The following SERBP1 variants were observed in gnomAD, a reference collection of about 807,000 sequenced individuals.
SERBP1 encodes SERPINE1 mRNA-binding protein 1.
A neutral mutation model predicts 50.2 loss-of-function variants in SERBP1; 6 were observed. That is an observed-to-expected ratio of 0.12 (90% confidence interval 0.07 to 0.24). The LOEUF (loss-of-function observed/expected upper bound fraction) is 0.24. SERBP1 is among the 10% of genes least tolerant of loss of function. The pLI is 1.00. For synonymous variants in SERBP1, 168 were observed against 182.8 expected (o/e 0.92, Z 0.65); for missense variants, 346 against 524.9 (o/e 0.66, Z 3.33).
intron 1 of SERBP1, among the ~76,000 whole-genome samples, chr1:67,427,613 T>C (rs1667430347): frequency 6.6e-6 from 1 of 152,182 alleles, no homozygotes; most frequent in Non-Finnish European, 1.5e-5. Context: ...CCAAGGTATT[T>C]AAATAAATGT....
intron 6 of SERBP1, among the ~76,000 whole-genome samples, chr1:67,415,641 A>G (rs1179914866): frequency 6.6e-6 from 1 of 152,176 alleles, no homozygotes; most frequent in Non-Finnish European, 1.5e-5. Context: ...ACTGAATCAT[A>G]ATCTTTAGCA....
rs373269396 is a variant in SERBP1, at chr1:67,424,186, G to A, written c.773+14C>T. On this transcript the variant is annotated intron_variant, in intron 5 of 7. Transcript: ENST00000361219. ...CAATTCTGGGTCATTACTATTACAC[G>A]CAATACCACTTACTTATTTTCAGTG... is the stretch of plus-strand genomic sequence containing the variant. 73 of 1,602,786 alleles carry A rather than the reference G, an allele frequency of 4.6e-5. No individual in the cohort carries two copies. Among genetic ancestry groups the A allele is most frequent in the Middle Eastern group, 2.1e-4 (1 of 4,780 alleles).
chr1:67,427,061 A>T (rs1667410399), intron 1 of SERBP1, among the ~76,000 whole-genome samples: 1 of 152,208 alleles, frequency 6.6e-6, no homozygotes, highest in South Asian at 2.1e-4. Context: ...AAGTACTTCC[A>T]AGTTAGGAAA....
rs760047521 is a variant in SERBP1 at position 67,415,252 on chromosome 1, G to A, written c.1039C>T (p.Leu347Phe). Reference sequence around the variant, plus strand: ...CTGCCGCCACGTCCTGGGCGGCCAAGGTCTCCAAAATTGATCTCCAGCTGA... The same window carrying A: ...CTGCCGCCACGTCCTGGGCGGCCAAAGTCTCCAAAATTGATCTCCAGCTGA... The part of the protein sequence containing the change: ...TSQLEINFGD[L>F]GRPGRGGRGG... Residue 347 changes from leucine to phenylalanine, a missense_variant, in exon 7 of 8, where the codon CTT becomes TTT. This residue lies in a region of SERBP1 where 68 missense variants were observed against 97.3 expected (regional missense o/e 0.70). Coordinates refer to ENST00000361219, the MANE Select transcript of SERBP1 (RefSeq NM_001018069.2). The A allele has an allele frequency of 6.2e-7, 1 of 1,613,108 alleles. No homozygotes were observed. Among genetic ancestry groups the A allele is most frequent in the South Asian group, 1.1e-5 (1 of 90,834 alleles).
At chr1:67,418,450 T>A (rs1016271183) in intron 6 of SERBP1, among the ~76,000 whole-genome samples, 3 of 152,244 alleles carry the variant, frequency 2.0e-5, no homozygotes, top group African/African-American at 4.8e-5. Flanking sequence ...TATAGCCATT[T>A]TGCAGTTTAA....
rs1423550200 is a variant in SERBP1 at position 67,424,130 on chromosome 1, G to T, written c.773+70C>A. ...ATCAAGTAACAGCATTAAATCTATGGGTTATCTTATTGGTAAAACTCCAGT... is the reference window on the plus strand; with the variant it reads ...ATCAAGTAACAGCATTAAATCTATGTGTTATCTTATTGGTAAAACTCCAGT... On this transcript the variant is annotated intron_variant, in intron 5 of 7. Transcript: ENST00000361219. The T allele has an allele frequency of 1.0e-5, 15 of 1,488,236 alleles. No homozygotes were observed. The South Asian group carries it at 2.1e-4, about 21-fold the overall frequency. 92.2% of individuals were successfully genotyped at this position (1,488,236 alleles called of 1,614,324 possible). A position where few individuals can be genotyped will look rare whatever the true frequency, so the allele number is the denominator to read the frequency against.
At position 67,417,971 on chromosome 1, in the gene SERBP1, G is replaced by GTTTTTTT. The variant is rs397861816; in HGVS notation, c.951+2031_951+2037dup. ...GAAGACATGTGAAAGTTAAAGTGTT[G>GTTTTTTT]TTTTTTTTTTTTTTTTTTTTTTTTG... On this transcript the variant is annotated intron_variant, in intron 6 of 7. Transcript: ENST00000361219. Among the ~76,000 whole-genome samples, 120 of 76,816 alleles carry GTTTTTTT rather than the reference G, an allele frequency of 1.6e-3. 6 individuals carry two copies. Among genetic ancestry groups the GTTTTTTT allele is most frequent in the African/African-American group, 1.9e-3 (35 of 18,198 alleles). The allele number at this position is 76,816 out of a possible 152,430, so 50.4% of individuals were successfully genotyped here.
At chr1:67,429,054 C>G (rs1048893735) in intron 1 of SERBP1, among the ~76,000 whole-genome samples, 2 of 152,040 alleles carry the variant, frequency 1.3e-5, no homozygotes, top group African/African-American at 4.8e-5. Context: ...ACTCACAGTG[C>G]CCTAGAAACA....
rs1006130709 is a variant in SERBP1, at chr1:67,422,128, T to C, written c.774-1942A>G. ...ATGTATTTTTATCTACTCCCTCCAA[T>C]AGTATATCATTTTTCCTTATCCCAA... On this transcript the variant is annotated intron_variant, in intron 5 of 7. Coordinates refer to ENST00000361219, the MANE Select transcript of SERBP1 (RefSeq NM_001018069.2). 7.2e-5 allele frequency among the ~76,000 whole-genome samples: 11 copies of C among 152,282 alleles called. No individual in the cohort carries two copies. In the South Asian group the frequency reaches 8.3e-4, roughly 11 times the overall value.
intron 1 of SERBP1, among the ~76,000 whole-genome samples, chr1:67,427,965 A>G (rs892053091): frequency 3.3e-5 from 5 of 152,212 alleles, no homozygotes; most frequent in Non-Finnish European, 7.3e-5. Flanking sequence ...AATTCATAAA[A>G]CATAAACATT....
At chr1:67,424,416 T>A in intron 4 of SERBP1, 139 bp from the exon 5 acceptor site, 1 of 1,117,414 alleles carries the variant, frequency 8.9e-7, no homozygotes, top group South Asian at 1.7e-5. Flanking sequence ...TCACATTCTC[T>A]AACTCCTTTC....
rs1666824369 is a variant in SERBP1 at position 67,411,133 on chromosome 1, C to G, written c.*2074G>C. ...AGGTTCACAGTTTTAGCTCTTGACA[C>G]AAAGTGAACTAGGAGGCAAATTTAT... On this transcript the variant is annotated 3_prime_UTR_variant, in exon 8 of 8. Coordinates refer to ENST00000361219, the MANE Select transcript of SERBP1 (RefSeq NM_001018069.2). 2 of 152,086 alleles carry G rather than the reference C, an allele frequency of 1.3e-5. No homozygotes were observed. The highest frequency in any genetic ancestry group is 1.3e-4 in the Admixed American group (2 of 15,270). 9.4% of individuals were successfully genotyped at this position (152,086 alleles called of 1,614,324 possible).
At chr1:67,428,160 T>C (rs537629340) in intron 1 of SERBP1, among the ~76,000 whole-genome samples, 17 of 152,312 alleles carry the variant, frequency 1.1e-4, no homozygotes, top group Middle Eastern at 3.4e-3. Context: ...TTTTACATGC[T>C]TGTATTTTAT....
chr1:67,412,233 C>A lies in SERBP1; in HGVS notation c.*974G>T, dbSNP rs571478643. 2 of 152,738 alleles carry A rather than the reference C, an allele frequency of 1.3e-5. No homozygotes were observed. Among genetic ancestry groups the A allele is most frequent in the East Asian group, 3.9e-4 (2 of 5,188 alleles). The allele number at this position is 152,738 out of a possible 1,614,324, so 9.5% of individuals were successfully genotyped here. A position where few individuals can be genotyped will look rare whatever the true frequency, so the allele number is the denominator to read the frequency against. On this transcript the variant is annotated 3_prime_UTR_variant, in exon 8 of 8. Transcript: ENST00000361219. ...TGGATGTACCATTTTGATTTTGGGA[C>A]CTTTCACACACAGAAATCATACCAA...
chr1:67,422,243 G>A (rs907554923), intron 5 of SERBP1, among the ~76,000 whole-genome samples: 1 of 152,158 alleles, frequency 6.6e-6, no homozygotes, highest in African/African-American at 2.4e-5. Context: ...TTAAGGTGCG[G>A]CAGCTCACGC....
intron 5 of SERBP1, among the ~76,000 whole-genome samples, chr1:67,421,896 G>A (rs867142865): frequency 2.0e-5 from 3 of 151,998 alleles, no homozygotes; most frequent in African/African-American, 4.8e-5. Context: ...CCAAAATCGC[G>A]CCACTGCACT....
At chr1:67,413,483 T>C (rs1666904604) in intron 7 of SERBP1, among the ~76,000 whole-genome samples, 1 of 152,004 alleles carries the variant, frequency 6.6e-6, no homozygotes, top group South Asian at 2.1e-4. Context: ...ATCCTGTCTG[T>C]ACTAAAAATA....
intron 2 of SERBP1, 72 bp downstream of exon 2, chr1:67,426,063 C>T (rs1667363597): frequency 1.5e-6 from 2 of 1,346,556 alleles, no homozygotes; most frequent in Non-Finnish European, 2.0e-6. Context: ...TGCAGTGAGC[C>T]AAGCTTGTAC....
chr1:67,415,985 C>T (rs1243800088), intron 6 of SERBP1, among the ~76,000 whole-genome samples: 3 of 151,642 alleles, frequency 2.0e-5, no homozygotes, highest in Non-Finnish European at 2.9e-5. Flanking sequence ...ACAAATAAAA[C>T]CACACCTTAA....
Sources: allele counts gnomAD v4.1 joint callset (sites outside exome capture counted in the v4.1 genomes callset), GRCh38; gene constraint gnomAD v4.1.1; regional missense constraint gnomAD v4.1.1; transcripts MANE v1.5; gene names NCBI Gene and HGNC (gene_info 2026-07-23, HGNC 2026-07-21).